The following GLRX3 variants were observed in gnomAD, a reference collection of about 807,000 sequenced individuals.
The protein encoded by GLRX3 is glutaredoxin-3.
In GLRX3, 22 loss-of-function variants were observed where a neutral mutation model predicts 49.5. The ratio of observed to expected loss-of-function variants is 0.44; its 90% CI spans 0.32 to 0.63. The LOEUF is 0.63. GLRX3 is among the 30% of genes least tolerant of loss of function. The pLI is 0.05. For synonymous variants in GLRX3, 133 were observed against 140.0 expected (o/e 0.95, Z 0.35); for missense variants, 385 against 396.3 (o/e 0.97, Z 0.24).
chr10:130,140,716 T>G (rs909862773), intron 1 of GLRX3, among the ~76,000 whole-genome samples: 11 of 152,324 alleles, frequency 7.2e-5, no homozygotes, highest in Admixed American at 5.9e-4. Context: ...TTATAAAGTT[T>G]GGTAACCTAC....
intron 2 of GLRX3, among the ~76,000 whole-genome samples, chr10:130,151,409 A>G (rs1262167330): frequency 1.3e-5 from 2 of 152,154 alleles, no homozygotes; most frequent in Admixed American, 1.3e-4. Flanking sequence ...TCTAGGGTAC[A>G]TGTGCACAAT....
intron 4 of GLRX3, among the ~76,000 whole-genome samples, chr10:130,161,752 G>A (rs372859070): frequency 6.6e-6 from 1 of 152,148 alleles, no homozygotes; most frequent in Admixed American, 6.5e-5. Flanking sequence ...TGATGATGCT[G>A]TTGAGACTCT....
In GLRX3 at chr10:130,171,076, C is replaced by T. The variant is rs552445754; in HGVS notation, c.772-508C>T. Among the ~76,000 whole-genome samples the T allele has an allele frequency of 4.0e-5, 6 of 150,918 alleles. No individual in the cohort carries two copies. The South Asian group carries it at 1.3e-3, about 32-fold the overall frequency. Reference sequence around the variant, plus strand: ...CTGGGAGGTGGACATTGCAGTGAGCCGAGATCACACTCCAGCCTGGGGACA... The same window carrying T: ...CTGGGAGGTGGACATTGCAGTGAGCTGAGATCACACTCCAGCCTGGGGACA... On this transcript the variant is annotated intron_variant, in intron 7 of 10. Transcript: ENST00000331244.
At chr10:130,175,992 G>A (rs1862909426) in intron 10 of GLRX3, among the ~76,000 whole-genome samples, 1 of 152,206 alleles carries the variant, frequency 6.6e-6, no homozygotes, top group Non-Finnish European at 1.5e-5. Context: ...GTTGCTGACT[G>A]CCCTCAGGCC....
At chr10:130,164,388 G>A (rs1365193014) in intron 4 of GLRX3, among the ~76,000 whole-genome samples, 1 of 152,196 alleles carries the variant, frequency 6.6e-6, no homozygotes, top group Non-Finnish European at 1.5e-5. Context: ...CAAAGCAAAA[G>A]GTATTTGAGG....
chr10:130,174,943 CT>C (rs1862886140), intron 9 of GLRX3, 37 bp downstream of exon 9: 1 of 1,577,242 alleles, frequency 6.3e-7, no homozygotes, highest in African/African-American at 1.3e-5. Flanking sequence ...CTTGTCTTAG[CT>C]TTAATCTTAA....
At chr10:130,138,353 C>A (rs1862106688) in intron 1 of GLRX3, among the ~76,000 whole-genome samples, 1 of 152,130 alleles carries the variant, frequency 6.6e-6, no homozygotes, top group African/African-American at 2.4e-5. Flanking sequence ...GCCCCCGTGA[C>A]CTGCCCTGTT....
chr10:130,154,534 G>A (rs1309729309), intron 2 of GLRX3, among the ~76,000 whole-genome samples: 2 of 151,730 alleles, frequency 1.3e-5, no homozygotes, highest in Admixed American at 1.3e-4. Flanking sequence ...ATATTTGGCT[G>A]TTTGACAAAG....
chr10:130,157,635 A>G (rs1263507218), intron 2 of GLRX3, among the ~76,000 whole-genome samples: 2 of 151,392 alleles, frequency 1.3e-5, no homozygotes, highest in African/African-American at 2.4e-5. Flanking sequence ...CTGTCTGGGT[A>G]TCTCTTAACC....
At chr10:130,170,562 A>G (rs1018961708) in intron 7 of GLRX3, among the ~76,000 whole-genome samples, 1 of 152,220 alleles carries the variant, frequency 6.6e-6, no homozygotes, top group Non-Finnish European at 1.5e-5. Context: ...GGTTCAGTGT[A>G]TTGAAACAAT....
At chr10:130,170,024 C>T (rs953556446) in intron 7 of GLRX3, among the ~76,000 whole-genome samples, 6 of 152,222 alleles carry the variant, frequency 3.9e-5, no homozygotes, top group South Asian at 4.1e-4. Context: ...ATTGATTATG[C>T]GTCATTTTGA....
At position 130,179,453 on chromosome 10, in the gene GLRX3, C is replaced by G; in HGVS notation, c.*61C>G. The G allele has an allele frequency of 1.1e-6, 1 of 871,240 alleles. No homozygotes were observed. The allele number at this position is 871,240 out of a possible 1,614,324, so 54.0% of individuals were successfully genotyped here. A position where few individuals can be genotyped will look rare whatever the true frequency, so the allele number is the denominator to read the frequency against. Reference sequence around the variant, plus strand: ...ATATTTAATTACATTGGGAGCAGTTCATGATTTAGTCCTCAGAAATGGACT... The same window carrying G: ...ATATTTAATTACATTGGGAGCAGTTGATGATTTAGTCCTCAGAAATGGACT... On this transcript the variant is annotated 3_prime_UTR_variant, in exon 11 of 11. Coordinates refer to ENST00000331244, the MANE Select transcript of GLRX3 (RefSeq NM_006541.5).
At chr10:130,173,619 A>G (rs1191672435) in intron 8 of GLRX3, among the ~76,000 whole-genome samples, 1 of 152,224 alleles carries the variant, frequency 6.6e-6, no homozygotes, top group Admixed American at 6.5e-5. Flanking sequence ...CCACATACAT[A>G]CACTTGGGCC....
intron 8 of GLRX3, among the ~76,000 whole-genome samples, chr10:130,172,354 T>A (rs1862827296): frequency 6.6e-6 from 1 of 152,208 alleles, no homozygotes; most frequent in South Asian, 2.1e-4. Flanking sequence ...TAGCACAAGT[T>A]AAATTGCAGT....
chr10:130,168,658 A>G (rs1263368799), intron 6 of GLRX3, among the ~76,000 whole-genome samples: 1 of 152,166 alleles, frequency 6.6e-6, no homozygotes, highest in African/African-American at 2.4e-5. Flanking sequence ...GTGTTTTGCC[A>G]GGATGGTCTT....
intron 7 of GLRX3, among the ~76,000 whole-genome samples, chr10:130,171,346 T>C (rs1862804223): frequency 6.6e-6 from 1 of 152,020 alleles, no homozygotes; most frequent in Non-Finnish European, 1.5e-5. Flanking sequence ...TTGGAACACA[T>C]GTCATCTCAA....
rs1265044036 is a variant in GLRX3, at chr10:130,166,900, G to T, written c.652-19G>T. On this transcript the variant is annotated intron_variant, in intron 5 of 10. Coordinates refer to ENST00000331244, the MANE Select transcript of GLRX3 (RefSeq NM_006541.5). The stretch of plus-strand genomic sequence containing the variant: ...TATAATAATTTTTTTCATAAAACTG[G>T]TATGTGTGCTTATTTTAGGAGCTAG... 6.6e-7 allele frequency: 1 copy of T among 1,515,872 alleles called. No individual in the cohort carries two copies. Among genetic ancestry groups the T allele is most frequent in the Non-Finnish European group, 9.1e-7 (1 of 1,104,452 alleles). The allele number at this position is 1,515,872 out of a possible 1,614,324, so 93.9% of individuals were successfully genotyped here. A position where few individuals can be genotyped will look rare whatever the true frequency, so the allele number is the denominator to read the frequency against.
rs773886964 is a variant in GLRX3, at chr10:130,166,902, A to G, written c.652-17A>G. The G allele has an allele frequency of 7.9e-6, 12 of 1,523,774 alleles. No homozygotes were observed. Among genetic ancestry groups the G allele is most frequent in the Non-Finnish European group, 1.1e-5 (12 of 1,111,232 alleles). 94.4% of individuals were successfully genotyped at this position (1,523,774 alleles called of 1,614,324 possible). ...TAATAATTTTTTTCATAAAACTGGT[A>G]TGTGTGCTTATTTTAGGAGCTAGAA... On this transcript the variant is annotated splice_polypyrimidine_tract_variant and intron_variant, in intron 5 of 10. Transcript: ENST00000331244.
intron 4 of GLRX3, among the ~76,000 whole-genome samples, chr10:130,163,750 C>T (rs1212347952): frequency 2.0e-5 from 3 of 152,106 alleles, no homozygotes; most frequent in African/African-American, 7.2e-5. Context: ...TCTGCTGTTC[C>T]TTTCTGAGCC....
Sources: allele counts gnomAD v4.1 joint callset (sites outside exome capture counted in the v4.1 genomes callset), GRCh38; gene constraint gnomAD v4.1.1; transcripts MANE v1.5; gene names NCBI Gene and HGNC (gene_info 2026-07-23, HGNC 2026-07-21).